Variants in SOCS7 observed in about 807,000 individuals in gnomAD.
The protein encoded by SOCS7 is NAP-4.
In SOCS7, 18 loss-of-function variants were observed where a neutral mutation model predicts 58.9. That is an observed-to-expected ratio of 0.31 (90% confidence interval 0.21 to 0.45). The LOEUF (loss-of-function observed/expected upper bound fraction) is 0.45. SOCS7 is among the 20% of genes least tolerant of loss of function. SOCS7 has a pLI of 1.00. For missense variants in SOCS7, 667 were observed against 837.3 expected, an observed-to-expected ratio of 0.80 and a Z score of 2.51; for synonymous variants, 388 against 364.3, an observed-to-expected ratio of 1.06 and a Z score of -0.74.
At chr17:38,391,249 A>G (rs1471388168) in intron 7 of SOCS7, among the ~76,000 whole-genome samples, 1 of 152,218 alleles carries the variant, frequency 6.6e-6, no homozygotes, top group Non-Finnish European at 1.5e-5. Context: ...AAGGTCAAAT[A>G]GTGCGCAAGG....
intron 6 of SOCS7, among the ~76,000 whole-genome samples, chr17:38,370,689 GC>G (rs2037851825): frequency 6.8e-6 from 1 of 147,076 alleles, no homozygotes; most frequent in Non-Finnish European, 1.5e-5. Flanking sequence ...TTGCTCCATC[GC>G]CCAGGCTAGA....
intron 7 of SOCS7, among the ~76,000 whole-genome samples, chr17:38,387,036 C>T (rs1212536210): frequency 2.3e-5 from 3 of 132,764 alleles, no homozygotes; most frequent in Non-Finnish European, 4.6e-5. Flanking sequence ...AGTGAGCTAT[C>T]GCGCCACTGC....
At chr17:38,384,794 T>C (rs538053543) in intron 7 of SOCS7, among the ~76,000 whole-genome samples, 53 of 151,958 alleles carry the variant, frequency 3.5e-4, no homozygotes, top group African/African-American at 1.3e-3. Flanking sequence ...GGTTTTACCA[T>C]GTTGGTCAGG....
chr17:38,385,449 T>C (rs955371304), intron 7 of SOCS7, among the ~76,000 whole-genome samples: 59 of 151,362 alleles, frequency 3.9e-4, no homozygotes, highest in African/African-American at 1.3e-3. Context: ...TTCTTTCTTT[T>C]TTTTTTTTTT....
At chr17:38,375,298 C>A (rs1169284073) in intron 6 of SOCS7, among the ~76,000 whole-genome samples, 1 of 152,134 alleles carries the variant, frequency 6.6e-6, no homozygotes, top group Non-Finnish European at 1.5e-5. Flanking sequence ...TTCTCTACCT[C>A]TTCTACCTCT....
At chr17:38,389,922 G>C (rs1232968383) in intron 7 of SOCS7, among the ~76,000 whole-genome samples, 1 of 14,868 alleles carries the variant, frequency 6.7e-5, no homozygotes, top group Admixed American at 6.9e-4. Context: ...GAGAGAGAGA[G>C]AGAGAGTGAG....
intron 7 of SOCS7, among the ~76,000 whole-genome samples, chr17:38,383,250 G>A (rs2144371820): frequency 6.6e-6 from 1 of 152,212 alleles, no homozygotes; most frequent in Non-Finnish European, 1.5e-5. Context: ...CACTTATAGG[G>A]TTGTTTTGAG....
intron 1 of SOCS7, among the ~76,000 whole-genome samples, chr17:38,353,824 G>A (rs1250778526): frequency 6.6e-6 from 1 of 152,202 alleles, no homozygotes; most frequent in African/African-American, 2.4e-5. Flanking sequence ...TACTCGGGAG[G>A]CTGAGGCAGG....
Position 38,402,938 on chromosome 17 carries a change from C to CTA in SOCS7, c.*3457_*3458dup, listed in dbSNP as rs1948369954. On this transcript the variant is annotated 3_prime_UTR_variant, in exon 10 of 10. Coordinates refer to ENST00000612932, the MANE Select transcript of SOCS7 (RefSeq NM_014598.4). ...TGCTGTGAGCCAGTGACAACTACTG[C>CTA]TACAACTTGCTGTTACTTGAAATTC... 1 of 152,164 alleles carries CTA rather than the reference C, an allele frequency of 6.6e-6. No homozygotes were observed. The highest frequency in any genetic ancestry group is 2.4e-5 in the African/African-American group (1 of 41,400). 9.4% of individuals were successfully genotyped at this position (152,164 alleles called of 1,614,324 possible).
At chr17:38,362,520 A>G (rs1291553381) in intron 2 of SOCS7, among the ~76,000 whole-genome samples, 1 of 152,174 alleles carries the variant, frequency 6.6e-6, no homozygotes, top group Admixed American at 6.5e-5. Flanking sequence ...TGTGACTGAG[A>G]AGCCTTTAAA....
chr17:38,395,868 G>A lies in SOCS7; in HGVS notation c.1838G>A (p.Arg613Gln), dbSNP rs765595674. Residue 613 changes from arginine to glutamine, a missense_variant, in exon 9 of 10, where the codon CGA (arginine) becomes CAA (glutamine). Coordinates refer to ENST00000612932, the MANE Select transcript of SOCS7 (RefSeq NM_014598.4). ...CACAGACCTCTGATCTCTTATATCC[G>A]AAAGTTCTACTACTATGATCCTCAG... ...PLPKPLISYI[R>Q]KFYYYDPQEE... 22 of 1,610,708 alleles carry A rather than the reference G, an allele frequency of 1.4e-5. No individual in the cohort carries two copies. The highest frequency in any genetic ancestry group is 1.9e-5 in the Non-Finnish European group (22 of 1,179,190).
At chr17:38,388,949 T>C (rs1342017522) in intron 7 of SOCS7, among the ~76,000 whole-genome samples, 2 of 152,246 alleles carry the variant, frequency 1.3e-5, no homozygotes, top group East Asian at 1.9e-4. Context: ...TGAACATTCA[T>C]GTACAGCTGT....
At position 38,352,031 on chromosome 17, in the gene SOCS7, C is replaced by T. The variant is rs2079374951; in HGVS notation, c.-22C>T. 1.3e-5 allele frequency among the ~76,000 whole-genome samples: 2 copies of T among 151,120 alleles called. No individual in the cohort carries two copies. The highest frequency in any genetic ancestry group is 4.1e-4 in the South Asian group (2 of 4,832). On this transcript the variant is annotated 5_prime_UTR_variant, in exon 1 of 10. Transcript: ENST00000612932. This position sits in a 1 kb window ranked among gnomAD's most constrained non-coding sequence, Gnocchi z 5.5. ...CCACCCCAGCCCGGCTCCCAGCCGC[C>T]CGCCCTCCCTCCCTCTCCCCGATGC...
At chr17:38,356,810 T>G (rs1157464702) in intron 1 of SOCS7, among the ~76,000 whole-genome samples, 1 of 152,260 alleles carries the variant, frequency 6.6e-6, no homozygotes, top group Non-Finnish European at 1.5e-5. Context: ...CCTGTGGTCC[T>G]CAGTGTAATC....
Position 38,401,295 on chromosome 17 carries a change from A to G in SOCS7, c.*1813A>G, listed in dbSNP as rs947121555. 6.6e-6 allele frequency: 1 copy of G among 152,138 alleles called. No homozygotes were observed. The highest frequency in any genetic ancestry group is 2.1e-4 in the South Asian group (1 of 4,816). The allele number at this position is 152,138 out of a possible 1,614,324, so 9.4% of individuals were successfully genotyped here. A position where few individuals can be genotyped will look rare whatever the true frequency, so the allele number is the denominator to read the frequency against. On this transcript the variant is annotated 3_prime_UTR_variant, in exon 10 of 10. Coordinates refer to ENST00000612932, the MANE Select transcript of SOCS7 (RefSeq NM_014598.4). The stretch of plus-strand genomic sequence containing the variant: ...TCCATGGTAGTATTATCAACTAAGC[A>G]AGATTGTGATCCCAGAAATTGGCTT...
chr17:38,352,205 C>T lies in SOCS7; in HGVS notation c.153C>T (p.Leu51=), dbSNP rs1471414427. The T allele has an allele frequency of 3.8e-6, 5 of 1,331,786 alleles. No individual in the cohort carries two copies. Among genetic ancestry groups the T allele is most frequent in the East Asian group, 3.1e-5 (1 of 32,118 alleles). 82.5% of individuals were successfully genotyped at this position (1,331,786 alleles called of 1,614,324 possible). ...ATGGCCCCCCGCCGCCACCCTTCCTCGCGCGGCCCGGCCCGCGGGGCTCCC... is the reference window on the plus strand; with the variant it reads ...ATGGCCCCCCGCCGCCACCCTTCCTTGCGCGGCCCGGCCCGCGGGGCTCCC... ...PGHGPPPPPF[L]ARPGPRGSRP... The change falls in exon 1 of 10, where the codon CTC becomes CTT. Residue 51 remains leucine, a synonymous_variant. Transcript: ENST00000612932. This position sits in a 1 kb window ranked among gnomAD's most constrained non-coding sequence, Gnocchi z 5.5.
At chr17:38,387,111 A>ATATATATATATATATGTATGTG (rs1567749126) in intron 7 of SOCS7, among the ~76,000 whole-genome samples, 15 of 103,544 alleles carry the variant, frequency 1.4e-4, no homozygotes, top group African/African-American at 7.9e-4. Context: ...AAATATATAT[A>ATATATATATATATATGTATGTG]TATATATATA....
chr17:38,381,913 A>C, intron 7 of SOCS7, among the ~76,000 whole-genome samples: 1 of 143,926 alleles, frequency 6.9e-6, no homozygotes, highest in Admixed American at 7.0e-5. Flanking sequence ...GCAGTGAGCC[A>C]AGTCATACCA....
intron 7 of SOCS7, among the ~76,000 whole-genome samples, chr17:38,386,348 A>G: frequency 6.7e-6 from 1 of 149,964 alleles, no homozygotes; most frequent in Non-Finnish European, 1.5e-5. Context: ...AAAAAAAAAA[A>G]TTAGCCAGGT....
Sources: allele counts gnomAD v4.1 joint callset (sites outside exome capture counted in the v4.1 genomes callset), GRCh38; gene constraint gnomAD v4.1.1; non-coding constraint Gnocchi (gnomAD v3.1); transcripts MANE v1.5; gene names NCBI Gene and HGNC (gene_info 2026-07-23, HGNC 2026-07-21).